Variants in FCHO2 observed in about 807,000 individuals in gnomAD.
FCHO2 encodes FCH and mu domain containing endocytic adaptor 2, also known as F-BAR domain only protein 2.
FCHO2 carries 43 observed loss-of-function variants against 114.1 expected under a neutral mutation model. The ratio of observed to expected loss-of-function variants is 0.38; its 90% CI spans 0.30 to 0.49. The LOEUF (loss-of-function observed/expected upper bound fraction) is 0.49. Ranked by LOEUF, FCHO2 falls within the 20% of genes least tolerant of loss-of-function variation. The probability of loss-of-function intolerance (pLI) is 0.97; values close to 1 mark genes in which losing one functional copy is unlikely to be tolerated. For missense variants in FCHO2, 807 were observed against 950.4 expected, an observed-to-expected ratio of 0.85 and a Z score of 1.98; for synonymous variants, 293 against 315.2, an observed-to-expected ratio of 0.93 and a Z score of 0.75.
chr5:73,023,309 A>C (rs1470410073), intron 8 of FCHO2, among the ~76,000 whole-genome samples: 1 of 152,220 alleles, frequency 6.6e-6, no homozygotes, highest in Admixed American at 6.5e-5. Flanking sequence ...AAGAGGCAGG[A>C]ATTTACTTTA....
In FCHO2 at chr5:73,074,799, C is replaced by T; in HGVS notation, c.1637C>T (p.Ala546Val). 4 of 1,613,056 alleles carry T rather than the reference C, an allele frequency of 2.5e-6. No homozygotes were observed. Among genetic ancestry groups the T allele is most frequent in the Non-Finnish European group, 2.5e-6 (3 of 1,179,470 alleles). ...GGAAATCAGGATACCTTACCTGTGGCAGTTGCCCTTACAGAATCTGTTAAT... is the reference window on the plus strand; with the variant it reads ...GGAAATCAGGATACCTTACCTGTGGTAGTTGCCCTTACAGAATCTGTTAAT... ...SLGNQDTLPVAVALTESVNAY... is the reference protein window; with the variant it reads ...SLGNQDTLPVVVALTESVNAY... Residue 546 changes from alanine to valine, a missense_variant, in exon 20 of 26, where the codon GCA becomes GTA. Ala to Val is a moderately conservative substitution (Grantham distance 64). Coordinates refer to ENST00000430046, the MANE Select transcript of FCHO2 (RefSeq NM_138782.3).
At chr5:73,028,646 C>CTTTTT (rs1177312773) in intron 8 of FCHO2, among the ~76,000 whole-genome samples, 38 of 112,168 alleles carry the variant, frequency 3.4e-4, no homozygotes, top group East Asian at 5.9e-4. Flanking sequence ...TTATATGATT[C>CTTTTT]TTTTTTTTTT....
intron 3 of FCHO2, 124 bp downstream of exon 3, chr5:72,989,625 G>A: frequency 1.6e-6 from 1 of 620,620 alleles, no homozygotes; most frequent in South Asian, 2.8e-5. Flanking sequence ...AAAAGTATCT[G>A]TAAATATTAA....
chr5:72,976,164 G>A (rs934599757), intron 2 of FCHO2, among the ~76,000 whole-genome samples: 1 of 152,116 alleles, frequency 6.6e-6, no homozygotes, highest in Non-Finnish European at 1.5e-5. Context: ...GATTTTGGCT[G>A]TTCCAATAAG....
chr5:73,056,149 T>A, intron 16 of FCHO2, 42 bp downstream of exon 16: 2 of 1,441,004 alleles, frequency 1.4e-6, no homozygotes, highest in Non-Finnish European at 1.9e-6. Context: ...TAGACTTTAT[T>A]TTTTAGAGCA....
intron 3 of FCHO2, among the ~76,000 whole-genome samples, chr5:72,989,975 A>C (rs1182882066): frequency 6.6e-6 from 1 of 151,978 alleles, no homozygotes; most frequent in Non-Finnish European, 1.5e-5. Flanking sequence ...TTGAAAAATG[A>C]AAATAATGAA....
At chr5:73,007,915 T>C (rs2112718813) in intron 6 of FCHO2, among the ~76,000 whole-genome samples, 1 of 152,322 alleles carries the variant, frequency 6.6e-6, no homozygotes, top group Non-Finnish European at 1.5e-5. Context: ...TGTTTAAAAC[T>C]GGAACTTGAA....
At chr5:73,018,177 G>C (rs966905391) in intron 8 of FCHO2, among the ~76,000 whole-genome samples, 1 of 152,090 alleles carries the variant, frequency 6.6e-6, no homozygotes, top group African/African-American at 2.4e-5. Context: ...TAGACCTAAG[G>C]CTTGAAACCT....
chr5:72,995,597 A>G (rs1231658737), intron 5 of FCHO2, among the ~76,000 whole-genome samples: 2 of 152,244 alleles, frequency 1.3e-5, no homozygotes, highest in East Asian at 3.9e-4. Context: ...ACAATTATGG[A>G]GGATGAGAAG....
chr5:73,041,901 G>C lies in FCHO2; in HGVS notation c.939+586G>C, dbSNP rs184467628. ...ACCAAATGCTGTTAAGTAATGTGTA[G>C]ACAGACATATTTTTCAAAACTGTTC... On this transcript the variant is annotated intron_variant, in intron 11 of 25. Transcript: ENST00000430046. 6.6e-5 allele frequency among the ~76,000 whole-genome samples: 10 copies of C among 152,188 alleles called. No homozygotes were observed. The East Asian group carries it at 1.7e-3, about 26-fold the overall frequency.
chr5:73,056,053 T>C lies in FCHO2; in HGVS notation c.1211-12T>C. 2 of 1,481,470 alleles carry C rather than the reference T, an allele frequency of 1.4e-6. No homozygotes were observed. The highest frequency in any genetic ancestry group is 1.8e-6 in the Non-Finnish European group (2 of 1,104,992). The allele number at this position is 1,481,470 out of a possible 1,614,324, so 91.8% of individuals were successfully genotyped here. On this transcript the variant is annotated splice_polypyrimidine_tract_variant and intron_variant, in intron 15 of 25. Coordinates refer to ENST00000430046, the MANE Select transcript of FCHO2 (RefSeq NM_138782.3). Reference sequence around the variant, plus strand: ...AGATTATGAAGTTTTCATATTTTAATTTTTTAATTAGATGAGGAGTTAACA... The same window carrying C: ...AGATTATGAAGTTTTCATATTTTAACTTTTTAATTAGATGAGGAGTTAACA...
chr5:73,089,110 G>A lies in FCHO2; in HGVS notation c.*1020G>A, dbSNP rs1580218995. The A allele has an allele frequency of 6.6e-6, 1 of 152,404 alleles. No homozygotes were observed. The highest frequency in any genetic ancestry group is 1.5e-5 in the Non-Finnish European group (1 of 67,978). 9.4% of individuals were successfully genotyped at this position (152,404 alleles called of 1,614,324 possible). A position where few individuals can be genotyped will look rare whatever the true frequency, so the allele number is the denominator to read the frequency against. On this transcript the variant is annotated 3_prime_UTR_variant, in exon 26 of 26. Coordinates refer to ENST00000430046, the MANE Select transcript of FCHO2 (RefSeq NM_138782.3). ...CACTAGAAAGAGAAATAAACCCAAT[G>A]GCATGTGTTTACAGGAAGAAAGATT...
chr5:73,025,513 G>T (rs376933494), intron 8 of FCHO2, among the ~76,000 whole-genome samples: 3 of 151,972 alleles, frequency 2.0e-5, no homozygotes, highest in Admixed American at 6.5e-5. Flanking sequence ...CTAATAGCTG[G>T]GATTACAGGC....
In FCHO2 at chr5:73,078,173, T is replaced by C; in HGVS notation, c.1848-7T>C. The C allele has an allele frequency of 1.3e-6, 2 of 1,508,976 alleles. No homozygotes were observed. Among genetic ancestry groups the C allele is most frequent in the South Asian group, 2.7e-5 (2 of 74,692 alleles). 93.5% of individuals were successfully genotyped at this position (1,508,976 alleles called of 1,614,324 possible). On this transcript the variant is annotated splice_polypyrimidine_tract_variant and splice_region_variant and intron_variant, in intron 21 of 25. Coordinates refer to ENST00000430046, the MANE Select transcript of FCHO2 (RefSeq NM_138782.3). Reference sequence around the variant, plus strand: ...TAAAATAACAAATATATTTTTTATATATGTAGTGATCCATCACAATGTGAT... The same window carrying C: ...TAAAATAACAAATATATTTTTTATACATGTAGTGATCCATCACAATGTGAT...
intron 8 of FCHO2, among the ~76,000 whole-genome samples, chr5:73,025,211 G>GT: frequency 6.6e-6 from 1 of 151,832 alleles, no homozygotes; most frequent in African/African-American, 2.4e-5. Context: ...TTGTTTGTTT[G>GT]TTTTTTTCTT....
At chr5:73,051,126 A>G in intron 11 of FCHO2, 2 of 386,350 alleles carry the variant, frequency 5.2e-6, no homozygotes, top group Non-Finnish European at 4.6e-6. Flanking sequence ...CTCCTGTTTC[A>G]TTTTGCAGGT....
intron 6 of FCHO2, among the ~76,000 whole-genome samples, chr5:73,007,440 T>C (rs1178067492): frequency 6.6e-6 from 1 of 152,240 alleles, no homozygotes; most frequent in Non-Finnish European, 1.5e-5. Flanking sequence ...AGAGCAAGGA[T>C]GGATTTGTTT....
chr5:72,979,033 G>A (rs543367503), intron 2 of FCHO2, among the ~76,000 whole-genome samples: 15 of 152,180 alleles, frequency 9.9e-5, no homozygotes, highest in East Asian at 3.9e-4. Flanking sequence ...GAGGATTTTC[G>A]CACTGATGTT....
At chr5:73,007,345 T>A (rs1754771563) in intron 6 of FCHO2, among the ~76,000 whole-genome samples, 1 of 152,238 alleles carries the variant, frequency 6.6e-6, no homozygotes, top group Admixed American at 6.5e-5. Context: ...CTTAGTTATG[T>A]CTAAGGGGCC....
Sources: allele counts gnomAD v4.1 joint callset (sites outside exome capture counted in the v4.1 genomes callset), GRCh38; gene constraint gnomAD v4.1.1; transcripts MANE v1.5; gene names NCBI Gene and HGNC (gene_info 2026-07-23, HGNC 2026-07-21).